Variants in MARCHF1 observed in about 807,000 individuals in gnomAD.
The protein encoded by MARCHF1 is E3 ubiquitin-protein ligase MARCHF1.
MARCHF1 carries 40 observed loss-of-function variants against 54.2 expected under a neutral mutation model. That is an observed-to-expected ratio of 0.74 (90% CI 0.57 to 0.96). The LOEUF (loss-of-function observed/expected upper bound fraction) is 0.96, where lower values mean the gene tolerates loss of function less well. MARCHF1 is among the 40% of genes least tolerant of loss of function. The pLI, the probability that MARCHF1 is intolerant of heterozygous loss-of-function variation, is 0.00. For synonymous variants in MARCHF1, 236 were observed against 236.3 expected (o/e 1.00, Z 0.01); for missense variants, 586 against 656.5 (o/e 0.89, Z 1.17).
At chr4:163,569,574 AG>A in intron 8 of MARCHF1, among the ~76,000 whole-genome samples, 1 of 54,724 alleles carries the variant, frequency 1.8e-5, no homozygotes, top group East Asian at 5.8e-4. Flanking sequence ...GAACCATCTA[AG>A]GGGGTACATA....
intron 1 of MARCHF1, among the ~76,000 whole-genome samples, chr4:164,120,945 C>T (rs944679222): frequency 6.6e-6 from 1 of 151,292 alleles, no homozygotes; most frequent in African/African-American, 2.4e-5. Flanking sequence ...GCAAACCAAA[C>T]CCAAAATTAG....
At chr4:164,153,058 C>T (rs1729985991) in intron 1 of MARCHF1, among the ~76,000 whole-genome samples, 2 of 152,134 alleles carry the variant, frequency 1.3e-5, no homozygotes, top group South Asian at 2.1e-4. Context: ...GCCATGATCA[C>T]TCATATTTAG....
rs1484298536 is a variant in MARCHF1, at chr4:163,612,442, C to G, written c.839G>C (p.Arg280Thr). The G allele has an allele frequency of 5.9e-6, 9 of 1,535,266 alleles. No homozygotes were observed. Among genetic ancestry groups the G allele is most frequent in the Non-Finnish European group, 7.0e-6 (8 of 1,146,470 alleles). Residue 280 changes from arginine (R) to threonine (T), a missense_variant, in exon 7 of 10, where the codon AGG (arginine) becomes ACG (threonine). Coordinates refer to ENST00000514618, the MANE Select transcript of MARCHF1 (RefSeq NM_001394959.1). ...HRDPQLLQSL[R>T]KNEIMKKTFS... ...TGTCTTCTTCATTATTTCATTTTTC[C>G]TAAGACTTTGCAAGAGCTGAGGATC...
intron 1 of MARCHF1, among the ~76,000 whole-genome samples, chr4:164,307,067 C>G (rs1447101115): frequency 6.6e-6 from 1 of 152,024 alleles, no homozygotes; most frequent in African/African-American, 2.4e-5. Flanking sequence ...AAAAATATAA[C>G]TCTTGCTTGA....
chr4:163,683,194 G>T (rs1481056926), intron 5 of MARCHF1, among the ~76,000 whole-genome samples: 2 of 152,158 alleles, frequency 1.3e-5, no homozygotes, highest in Admixed American at 6.5e-5. Flanking sequence ...AAAAGAAAGA[G>T]GTTTAATGGA....
intron 1 of MARCHF1, among the ~76,000 whole-genome samples, chr4:164,292,894 C>G (rs551987585): frequency 1.8e-4 from 27 of 152,198 alleles, no homozygotes; most frequent in African/African-American, 4.6e-4. Context: ...GGTATATCAA[C>G]GTGATTCCTC....
At chr4:163,561,862 G>A (rs1168283806) in intron 8 of MARCHF1, among the ~76,000 whole-genome samples, 2 of 151,872 alleles carry the variant, frequency 1.3e-5, no homozygotes, top group Non-Finnish European at 2.9e-5. Flanking sequence ...CTATCTTTTG[G>A]TTCTGTGCTC....
chr4:163,594,572 T>C (rs1263873715), intron 7 of MARCHF1, among the ~76,000 whole-genome samples: 2 of 150,790 alleles, frequency 1.3e-5, no homozygotes, highest in Non-Finnish European at 3.0e-5. Flanking sequence ...ATAATTTAAA[T>C]AAAAAATTAA....
chr4:164,382,605 A>G (rs116093188), intron 1 of MARCHF1, among the ~76,000 whole-genome samples: 2,316 of 152,348 alleles, frequency 0.015, 30 homozygotes, highest in Non-Finnish European at 0.023. Context: ...ACTTCTTTCC[A>G]TCTTTTTCAC....
intron 1 of MARCHF1, among the ~76,000 whole-genome samples, chr4:164,219,574 C>G (rs1191825760): frequency 6.6e-6 from 1 of 151,644 alleles, no homozygotes; most frequent in Admixed American, 6.6e-5. Flanking sequence ...ATATTTCAAA[C>G]CAATCTCACT....
intron 2 of MARCHF1, among the ~76,000 whole-genome samples, chr4:164,066,467 C>T (rs1437500745): frequency 3.3e-5 from 5 of 152,148 alleles, no homozygotes; most frequent in Non-Finnish European, 2.9e-5. Context: ...GGCATTTCCT[C>T]AAAGACCTAC....
At chr4:163,894,457 T>G (rs969799607) in intron 3 of MARCHF1, among the ~76,000 whole-genome samples, 1 of 151,528 alleles carries the variant, frequency 6.6e-6, no homozygotes, top group African/African-American at 2.4e-5. Context: ...AATAAAGAGA[T>G]AAACTTCAAT....
intron 3 of MARCHF1, among the ~76,000 whole-genome samples, chr4:163,872,951 G>C (rs1165847086): frequency 6.6e-6 from 1 of 152,114 alleles, no homozygotes; most frequent in Non-Finnish European, 1.5e-5. Flanking sequence ...GGCTGAGGCA[G>C]GAGAATGGCG....
intron 1 of MARCHF1, among the ~76,000 whole-genome samples, chr4:164,143,853 C>T (rs1356298411): frequency 6.6e-6 from 1 of 152,142 alleles, no homozygotes; most frequent in Admixed American, 6.5e-5. Flanking sequence ...GGACTAAATG[C>T]TCCAATTAAA....
chr4:164,203,352 A>C (rs1323469890), intron 1 of MARCHF1, among the ~76,000 whole-genome samples: 1 of 152,084 alleles, frequency 6.6e-6, no homozygotes, highest in Non-Finnish European at 1.5e-5. Flanking sequence ...TTATTTTGTT[A>C]ATTTGGCTCA....
intron 1 of MARCHF1, among the ~76,000 whole-genome samples, chr4:164,200,097 G>A (rs1402812548): frequency 6.6e-6 from 1 of 152,156 alleles, no homozygotes; most frequent in Admixed American, 6.5e-5. Context: ...ACTGCATTCG[G>A]AGAAGCACAC....
At chr4:163,618,719 A>G (rs946607754) in intron 5 of MARCHF1, among the ~76,000 whole-genome samples, 4 of 152,160 alleles carry the variant, frequency 2.6e-5, no homozygotes, top group Non-Finnish European at 5.9e-5. Flanking sequence ...CTCAGCAAAC[A>G]AAAATTAAAG....
intron 2 of MARCHF1, among the ~76,000 whole-genome samples, chr4:163,990,904 T>G (rs1327007193): frequency 6.6e-6 from 1 of 152,188 alleles, no homozygotes; most frequent in Non-Finnish European, 1.5e-5. Flanking sequence ...TTCAGTAGTT[T>G]TGCTTAAAAT....
At chr4:163,607,899 C>T (rs1225463426) in intron 7 of MARCHF1, among the ~76,000 whole-genome samples, 1 of 152,100 alleles carries the variant, frequency 6.6e-6, no homozygotes, top group Non-Finnish European at 1.5e-5. Flanking sequence ...AACAAGCCCT[C>T]CAGTTGTCAC....
Sources: allele counts gnomAD v4.1 joint callset (sites outside exome capture counted in the v4.1 genomes callset), GRCh38; gene constraint gnomAD v4.1.1; transcripts MANE v1.5; gene names NCBI Gene and HGNC (gene_info 2026-07-23, HGNC 2026-07-21).